GNAS-AS1: variants seen among roughly 807,000 people sequenced by gnomAD.
The protein encoded by GNAS-AS1 is GNAS antisense RNA 1, also known as GNAS antisense RNA 1 (non-protein coding).
chr20:58,830,240 CCACCACCACCATCAA>C (rs1219281978), intron 4 of GNAS-AS1, among the ~76,000 whole-genome samples: 1 of 149,072 alleles, frequency 6.7e-6, no homozygotes, highest in African/African-American at 2.5e-5. Context: ...ACCACAATCA[CCACCACCACCATCAA>C]CGCCACACCA....
At chr20:58,821,437 C>A (rs74498962) in intron 4 of GNAS-AS1, among the ~76,000 whole-genome samples, 2 of 152,332 alleles carry the variant, frequency 1.3e-5, no homozygotes, top group East Asian at 1.9e-4. Flanking sequence ...CCGGACTCCA[C>A]GATTTTCCTG....
intron 4 of GNAS-AS1, among the ~76,000 whole-genome samples, chr20:58,822,602 T>G (rs1208582877): frequency 1.3e-5 from 2 of 152,208 alleles, no homozygotes; most frequent in Admixed American, 1.3e-4. Context: ...AGAGCAGGCC[T>G]GGAGAGCAGC....
chr20:58,842,127 G>A (rs1010987431), exon 4 of GNAS-AS1: 1 of 399,234 alleles, frequency 2.5e-6, no homozygotes, highest in Non-Finnish European at 4.4e-6. Context: ...CTGTAACCTG[G>A]AGGGGAATCT....
intron 4 of GNAS-AS1, among the ~76,000 whole-genome samples, chr20:58,820,804 A>G (rs2085481455): frequency 6.6e-6 from 1 of 152,252 alleles, no homozygotes; most frequent in Non-Finnish European, 1.5e-5. Flanking sequence ...GAGACTCGCT[A>G]TCATGAGAAC....
Position 58,840,962 on chromosome 20 carries a change from A to G in GNAS-AS1, n.819+975T>C, listed in dbSNP as rs1360013967. The G allele has an allele frequency of 7.3e-6, 11 of 1,498,348 alleles. No homozygotes were observed. The highest frequency in any genetic ancestry group is 1.0e-5 in the Non-Finnish European group (11 of 1,091,268). The allele number at this position is 1,498,348 out of a possible 1,614,324, so 92.8% of individuals were successfully genotyped here. A position where few individuals can be genotyped will look rare whatever the true frequency, so the allele number is the denominator to read the frequency against. On this transcript the variant is annotated intron_variant and non_coding_transcript_variant, in intron 4 of 4. Coordinates refer to ENST00000424094, the Ensembl canonical transcript of GNAS-AS1. The surrounding 1 kb of genome is among the most constrained non-coding windows in gnomAD (Gnocchi z 6.0). ...CGCAGGTGGAAAGGAGGTGAGAAGG[A>G]AAGGCAGGTCAGGGGCGAGTGGGAA...
chr20:58,836,817 A>G (rs2085606842), intron 4 of GNAS-AS1, among the ~76,000 whole-genome samples: 1 of 152,246 alleles, frequency 6.6e-6, no homozygotes, highest in Admixed American at 6.5e-5. Context: ...GTGAATGTAC[A>G]CTGAGATGTA....
intron 4 of GNAS-AS1, among the ~76,000 whole-genome samples, chr20:58,830,289 TCAC>T (rs1450690079): frequency 5.9e-5 from 5 of 85,406 alleles, no homozygotes; most frequent in Admixed American, 1.2e-4. Context: ...CACACCACCA[TCAC>T]CACCACCATC....
At chr20:58,819,372 A>C in intron 4 of GNAS-AS1, 1 of 397,592 alleles carries the variant, frequency 2.5e-6, no homozygotes, top group Non-Finnish European at 4.4e-6. Context: ...CTGCGGTCAC[A>C]CTCCAACTTG....
At chr20:58,846,774 G>A (rs1284517661) in intron 2 of GNAS-AS1, among the ~76,000 whole-genome samples, 1 of 152,214 alleles carries the variant, frequency 6.6e-6, no homozygotes, top group African/African-American at 2.4e-5. Flanking sequence ...CTGGGTAATT[G>A]AGGTTGTTCT....
intron 2 of GNAS-AS1, among the ~76,000 whole-genome samples, chr20:58,845,728 G>A (rs2085918758): frequency 6.6e-6 from 1 of 152,126 alleles, no homozygotes; most frequent in Admixed American, 6.5e-5. Flanking sequence ...AGCTATGCTG[G>A]TCCAAGCACT....
intron 4 of GNAS-AS1, chr20:58,839,891 A>C (rs1469507119): frequency 8.3e-6 from 5 of 600,670 alleles, no homozygotes; most frequent in Non-Finnish European, 1.2e-5. Context: ...TCTTGCTCAG[A>C]GAGGCAAGCA....
rs189551253 is a variant in GNAS-AS1, at chr20:58,836,179, G to A, written n.819+5758C>T. 78 of 152,304 alleles carry A rather than the reference G, an allele frequency of 5.1e-4. 2 individuals are homozygous for A. Among genetic ancestry groups the A allele is most frequent in the Admixed American group, 4.1e-3 (63 of 15,298 alleles). The allele number at this position is 152,304 out of a possible 1,614,324, so 9.4% of individuals were successfully genotyped here. A position where few individuals can be genotyped will look rare whatever the true frequency, so the allele number is the denominator to read the frequency against. On this transcript the variant is annotated intron_variant and non_coding_transcript_variant, in intron 4 of 4. Coordinates refer to ENST00000424094, the Ensembl canonical transcript of GNAS-AS1. The stretch of plus-strand genomic sequence containing the variant: ...ACCTGATAAGACTGCGGTGGGCACC[G>A]AGTTCCAACCCCACTTGCTCACGCA...
At chr20:58,848,317 A>G (rs887350424) in intron 2 of GNAS-AS1, among the ~76,000 whole-genome samples, 1 of 152,166 alleles carries the variant, frequency 6.6e-6, no homozygotes, top group Non-Finnish European at 1.5e-5. Flanking sequence ...ACAGCCCCTC[A>G]TGACAGGGGT....
In GNAS-AS1 at chr20:58,839,377, C is replaced by T. The variant is rs2085644357; in HGVS notation, n.819+2560G>A. On this transcript the variant is annotated intron_variant and non_coding_transcript_variant, in intron 4 of 4. Coordinates refer to ENST00000424094, the Ensembl canonical transcript of GNAS-AS1. ...CGTGTATAGACAGACCCTCATTCCCCTGAATATTTGCTATTTGGGGTTCTG... is the reference window on the plus strand; with the variant it reads ...CGTGTATAGACAGACCCTCATTCCCTTGAATATTTGCTATTTGGGGTTCTG... 6 of 399,598 alleles carry T rather than the reference C, an allele frequency of 1.5e-5. No individual in the cohort carries two copies. In the East Asian group the frequency reaches 2.1e-4, roughly 14 times the overall value. 24.8% of individuals were successfully genotyped at this position (399,598 alleles called of 1,614,324 possible). A position where few individuals can be genotyped will look rare whatever the true frequency, so the allele number is the denominator to read the frequency against.
intron 4 of GNAS-AS1, among the ~76,000 whole-genome samples, chr20:58,831,087 A>G (rs1298646439): frequency 1.3e-5 from 2 of 152,242 alleles, no homozygotes; most frequent in African/African-American, 4.8e-5. Flanking sequence ...AACTGGCACT[A>G]CTAACTAGAA....
chr20:58,843,605 A>AT (rs2085827979), intron 2 of GNAS-AS1, among the ~76,000 whole-genome samples: 1 of 152,254 alleles, frequency 6.6e-6, no homozygotes, highest in Admixed American at 6.5e-5. Flanking sequence ...GGTGAACCAC[A>AT]TAGGTGAATT....
intron 4 of GNAS-AS1, among the ~76,000 whole-genome samples, chr20:58,827,412 G>A (rs1333823927): frequency 6.6e-6 from 1 of 152,214 alleles, no homozygotes; most frequent in East Asian, 1.9e-4. Flanking sequence ...TGGTTGCCTC[G>A]TAGAGAAGTG....
In GNAS-AS1 at chr20:58,841,303, G is replaced by A. The variant is rs2085713397; in HGVS notation, n.819+634C>T. On this transcript the variant is annotated intron_variant and non_coding_transcript_variant, in intron 4 of 4. Transcript: ENST00000424094. The surrounding 1 kb of genome is among the most constrained non-coding windows in gnomAD (Gnocchi z 5.0). ...GTTGGCCTTCTCAGGTGTCCAAAATGTGGTTCGGAGGTGCGCGCGCCAACT... is the reference window on the plus strand; with the variant it reads ...GTTGGCCTTCTCAGGTGTCCAAAATATGGTTCGGAGGTGCGCGCGCCAACT... 4 of 1,065,940 alleles carry A rather than the reference G, an allele frequency of 3.8e-6. No individual in the cohort carries two copies. The African/African-American group carries it at 6.7e-5, about 18-fold the overall frequency. 66.0% of individuals were successfully genotyped at this position (1,065,940 alleles called of 1,614,324 possible).
chr20:58,821,801 C>A (rs1015969311), intron 4 of GNAS-AS1, among the ~76,000 whole-genome samples: 2 of 152,144 alleles, frequency 1.3e-5, no homozygotes, highest in East Asian at 3.9e-4. Flanking sequence ...AGAACTCTGA[C>A]CCACTAAGGA....
Sources: allele counts gnomAD v4.1 joint callset (sites outside exome capture counted in the v4.1 genomes callset), GRCh38; gene constraint gnomAD v4.1.1; non-coding constraint Gnocchi (gnomAD v3.1); transcripts MANE v1.5; gene names NCBI Gene and HGNC (gene_info 2026-07-23, HGNC 2026-07-21).